PLXDC1: variants seen among roughly 807,000 people sequenced by gnomAD.
PLXDC1 encodes plexin domain-containing protein 1.
A neutral mutation model predicts 61.3 loss-of-function variants in PLXDC1; 39 were observed. The observed-to-expected ratio is 0.64, with a 90% CI of 0.49 to 0.83. The LOEUF is 0.83. Ranked by LOEUF, PLXDC1 falls within the 40% of genes least tolerant of loss-of-function variation. PLXDC1 has a pLI of 0.00. For synonymous variants in PLXDC1, 212 were observed against 254.5 expected (o/e 0.83, Z 1.59); for missense variants, 596 against 666.5 (o/e 0.89, Z 1.17).
At chr17:39,111,497 C>T (rs958630579) in intron 2 of PLXDC1, among the ~76,000 whole-genome samples, 1 of 152,158 alleles carries the variant, frequency 6.6e-6, no homozygotes, top group African/African-American at 2.4e-5. Context: ...GTTGGCCAGG[C>T]TGGTCTCAAA....
intron 8 of PLXDC1, among the ~76,000 whole-genome samples, chr17:39,086,958 T>C (rs1340068976): frequency 6.7e-6 from 1 of 148,168 alleles, no homozygotes; most frequent in African/African-American, 2.5e-5. Context: ...CACCACAAGA[T>C]GGGAGAGGAA....
chr17:39,089,173 C>T, intron 7 of PLXDC1, among the ~76,000 whole-genome samples: 1 of 152,186 alleles, frequency 6.6e-6, no homozygotes, highest in East Asian at 1.9e-4. Flanking sequence ...CAGCATTCCC[C>T]TTGGGGTACT....
At chr17:39,134,890 C>T (rs1911692622) in intron 2 of PLXDC1, among the ~76,000 whole-genome samples, 1 of 152,018 alleles carries the variant, frequency 6.6e-6, no homozygotes, top group Non-Finnish European at 1.5e-5. Flanking sequence ...AGAGCCCCAG[C>T]CCCAGTCCCC....
At chr17:39,101,297 C>T (rs1015857578) in intron 7 of PLXDC1, among the ~76,000 whole-genome samples, 1 of 152,324 alleles carries the variant, frequency 6.6e-6, no homozygotes, top group Non-Finnish European at 1.5e-5. Context: ...GACATTCACA[C>T]GTATCACGTA....
Position 39,105,872 on chromosome 17 carries a change from G to T in PLXDC1, c.793C>A (p.Pro265Thr). The T allele has an allele frequency of 6.2e-7, 1 of 1,613,080 alleles. No individual in the cohort carries two copies. Among genetic ancestry groups the T allele is most frequent in the Non-Finnish European group, 8.5e-7 (1 of 1,179,116 alleles). ...GLSDAFMILN[P>T]SPDVPESRRR... ...GACTCACCTGGCACATCCGGGGATG[G>T]ATTGAGAATCATGAAGGCATCCGAT... Residue 265 changes from proline (P) to threonine (T), a missense_variant, in exon 7 of 14, where the codon CCA becomes ACA. Physicochemically the swap from Pro to Thr is conservative, Grantham distance 38. Transcript: ENST00000315392.
rs903499454 is a variant in PLXDC1 at position 39,067,320 on chromosome 17, C to CT, written c.*519dup. On this transcript the variant is annotated 3_prime_UTR_variant, in exon 14 of 14. Coordinates refer to ENST00000315392, the MANE Select transcript of PLXDC1 (RefSeq NM_020405.5). ...AAGGGTCCAGGGGAGGTTTGCAGAACTTCTTTGTCCTTGGCTAACAGTCTG... is the reference window on the plus strand; with the variant it reads ...AAGGGTCCAGGGGAGGTTTGCAGAACTTTCTTTGTCCTTGGCTAACAGTCTG... 20 of 153,000 alleles carry CT rather than the reference C, an allele frequency of 1.3e-4. No homozygotes were observed. Among genetic ancestry groups the CT allele is most frequent in the African/African-American group, 4.6e-4 (19 of 41,460 alleles). The allele number at this position is 153,000 out of a possible 1,614,324, so 9.5% of individuals were successfully genotyped here.
At chr17:39,134,069 A>G (rs1329572578) in intron 2 of PLXDC1, among the ~76,000 whole-genome samples, 1 of 151,982 alleles carries the variant, frequency 6.6e-6, no homozygotes, top group Non-Finnish European at 1.5e-5. Context: ...CATCCTGGCT[A>G]ACACGGTGAA....
At chr17:39,088,963 A>AAAAAAGAG (rs1555570853) in intron 7 of PLXDC1, among the ~76,000 whole-genome samples, 1 of 119,592 alleles carries the variant, frequency 8.4e-6, no homozygotes, top group African/African-American at 3.5e-5. Context: ...AAAAAAAAAA[A>AAAAAAGAG]AGAGAGAGAG....
chr17:39,076,378 G>T (rs1200182268), intron 11 of PLXDC1, among the ~76,000 whole-genome samples: 4 of 151,594 alleles, frequency 2.6e-5, no homozygotes, highest in Non-Finnish European at 4.4e-5. Context: ...AGGTATGGTG[G>T]TACATGCCTG....
In PLXDC1 at chr17:39,107,531, GAGA is replaced by G. The variant is rs755630405; in HGVS notation, c.593-9_593-7del. 2.2e-5 allele frequency: 35 copies of G among 1,581,080 alleles called. No homozygotes were observed. Among genetic ancestry groups the G allele is most frequent in the Admixed American group, 1.7e-4 (10 of 59,954 alleles). On this transcript the variant is annotated splice_region_variant and splice_polypyrimidine_tract_variant and intron_variant, in intron 5 of 13. Transcript: ENST00000315392. Reference sequence around the variant, plus strand: ...CTGAACCACAAAGACTGTCCCTGGGGAGAAGAACAGAGACCCGGCTGGACGGGA... The same window carrying G: ...CTGAACCACAAAGACTGTCCCTGGGGAGAACAGAGACCCGGCTGGACGGGA...
chr17:39,117,907 G>A (rs1911029998), intron 2 of PLXDC1, among the ~76,000 whole-genome samples: 1 of 152,130 alleles, frequency 6.6e-6, no homozygotes, highest in Admixed American at 6.6e-5. Context: ...AGCTGGGGCA[G>A]GGCTGCTCCA....
intron 13 of PLXDC1, 125 bp downstream of exon 13, chr17:39,069,731 G>A (rs182331517): frequency 6.5e-5 from 47 of 721,678 alleles, no homozygotes; most frequent in Admixed American, 2.1e-4. Context: ...GCCAGGATGG[G>A]GTGGATGAAG....
intron 7 of PLXDC1, among the ~76,000 whole-genome samples, chr17:39,088,943 G>GAAAAAAAAAAAAAAAA (rs56714275): frequency 6.3e-5 from 4 of 63,912 alleles, no homozygotes; most frequent in Middle Eastern, 9.1e-3. Context: ...GAGCAAGACT[G>GAAAAAAAAAAAAAAAA]AAAAAAAAAA....
intron 7 of PLXDC1, among the ~76,000 whole-genome samples, chr17:39,100,359 G>A (rs1910380244): frequency 6.6e-6 from 1 of 152,086 alleles, no homozygotes; most frequent in Non-Finnish European, 1.5e-5. Context: ...GGGTTCAAGC[G>A]ATTCTCCTGC....
chr17:39,078,720 C>T (rs1483441185), intron 10 of PLXDC1, among the ~76,000 whole-genome samples: 2 of 152,190 alleles, frequency 1.3e-5, no homozygotes, highest in Admixed American at 6.5e-5. Flanking sequence ...AGAATGACTG[C>T]CTTCCTCAAA....
At chr17:39,080,238 CT>C (rs1301396148) in intron 9 of PLXDC1, 1 of 152,452 alleles carries the variant, frequency 6.6e-6, no homozygotes, top group Non-Finnish European at 1.5e-5. Flanking sequence ...GATGGCACCA[CT>C]GCACTCCAGC....
chr17:39,127,242 C>T (rs1007000638), intron 2 of PLXDC1, among the ~76,000 whole-genome samples: 24 of 152,268 alleles, frequency 1.6e-4, no homozygotes, highest in East Asian at 3.9e-4. Context: ...AGGATACGCA[C>T]GGTCTACCTC....
rs1489483049 is a variant in PLXDC1 at position 39,130,805 on chromosome 17, A to G, written c.255+8849T>C. Among the ~76,000 whole-genome samples, 3 of 151,936 alleles carry G rather than the reference A, an allele frequency of 2.0e-5. No homozygotes were observed. In the East Asian group the frequency reaches 5.8e-4, roughly 29 times the overall value. On this transcript the variant is annotated intron_variant, in intron 2 of 13. Coordinates refer to ENST00000315392, the MANE Select transcript of PLXDC1 (RefSeq NM_020405.5). ...TCGAATTCCTGACCTCAAATGATCC[A>G]CCCAACTCGGCCTCCCAAAGTGCTG...
At chr17:39,084,252 CT>C (rs1909664825) in intron 8 of PLXDC1, among the ~76,000 whole-genome samples, 1 of 152,144 alleles carries the variant, frequency 6.6e-6, no homozygotes, top group South Asian at 2.1e-4. Context: ...CTAGAATCTA[CT>C]GTATAACATG....
Sources: gnomAD v4.1 joint callset for allele counts (sites outside exome capture counted in the v4.1 genomes callset) on GRCh38, gnomAD v4.1.1 for gene constraint, MANE v1.5 for transcripts, NCBI Gene and HGNC (gene_info 2026-07-23, HGNC 2026-07-21) for gene names.